The following MITF variants were observed in gnomAD, a reference collection of about 807,000 sequenced individuals.
MITF encodes the protein microphthalmia-associated transcription factor.
MITF carries 17 observed loss-of-function variants against 60.5 expected under a neutral mutation model. That is an observed-to-expected ratio of 0.28 (90% CI 0.19 to 0.42). MITF has a LOEUF of 0.42. Ranked by LOEUF, MITF falls within the 10% of genes least tolerant of loss-of-function variation. The pLI is 1.00. For missense variants in MITF, 622 were observed against 683.5 expected (o/e 0.91, Z 1.00); for synonymous variants, 260 against 248.5 (o/e 1.05, Z -0.43).
chr3:69,836,600 A>T (rs2063544930), intron 1 of MITF, among the ~76,000 whole-genome samples: 1 of 152,180 alleles, frequency 6.6e-6, no homozygotes, highest in African/African-American at 2.4e-5. Context: ...AGTGGATCTT[A>T]TTATTTTATA....
chr3:69,860,626 A>G (rs1037223901), intron 1 of MITF, among the ~76,000 whole-genome samples: 10 of 148,780 alleles, frequency 6.7e-5, no homozygotes, highest in Admixed American at 1.3e-4. Flanking sequence ...AAAAAAATTC[A>G]CTTTAGACAG....
chr3:69,813,705 A>G (rs1037322356), intron 1 of MITF, among the ~76,000 whole-genome samples: 1 of 152,236 alleles, frequency 6.6e-6, no homozygotes, highest in African/African-American at 2.4e-5. Flanking sequence ...CTTTTTAACA[A>G]CTGACAAATT....
At chr3:69,889,583 T>G (rs2064711779) in intron 2 of MITF, among the ~76,000 whole-genome samples, 1 of 151,964 alleles carries the variant, frequency 6.6e-6, no homozygotes, top group African/African-American at 2.4e-5. Context: ...GTATAAAAAT[T>G]ATTAACAAGA....
At chr3:69,759,477 A>C (rs903811400) in intron 1 of MITF, among the ~76,000 whole-genome samples, 2 of 152,220 alleles carry the variant, frequency 1.3e-5, no homozygotes, top group Non-Finnish European at 2.9e-5. Context: ...GGTAACGTGC[A>C]TGTTGGGGGA....
At chr3:69,962,735 C>A (rs1576064286) in intron 9 of MITF, among the ~76,000 whole-genome samples, 1 of 152,134 alleles carries the variant, frequency 6.6e-6, no homozygotes. Flanking sequence ...CCCAGGGATA[C>A]ACTCAGAAAG....
chr3:69,887,115 G>A (rs1365967404), intron 2 of MITF, among the ~76,000 whole-genome samples: 1 of 151,884 alleles, frequency 6.6e-6, no homozygotes, highest in Admixed American at 6.6e-5. Flanking sequence ...TTCATTTCTG[G>A]TGGTTTTTCT....
intron 1 of MITF, among the ~76,000 whole-genome samples, chr3:69,839,379 TC>T (rs1373764559): frequency 2.2e-5 from 3 of 134,612 alleles, no homozygotes; most frequent in Admixed American, 7.2e-5. Context: ...CATGTGATTT[TC>T]TTTTTTTTTT....
intron 1 of MITF, among the ~76,000 whole-genome samples, chr3:69,756,308 G>A (rs1407338859): frequency 6.6e-6 from 1 of 151,936 alleles, no homozygotes; most frequent in African/African-American, 2.4e-5. Context: ...GACAGGCCCT[G>A]GTGTGTGATG....
chr3:69,817,169 G>T (rs1203417749), intron 1 of MITF, among the ~76,000 whole-genome samples: 7 of 152,002 alleles, frequency 4.6e-5, no homozygotes, highest in Non-Finnish European at 1.0e-4. Flanking sequence ...TTAATGTTTT[G>T]CTTTTTAAGC....
At chr3:69,833,343 A>G (rs2063482998) in intron 1 of MITF, among the ~76,000 whole-genome samples, 1 of 151,646 alleles carries the variant, frequency 6.6e-6, no homozygotes, top group Non-Finnish European at 1.5e-5. Flanking sequence ...CCCTGTTCAC[A>G]CTGTATGTAG....
At chr3:69,833,725 G>A (rs77556591) in intron 1 of MITF, among the ~76,000 whole-genome samples, 1 of 148,442 alleles carries the variant, frequency 6.7e-6, no homozygotes, top group African/African-American at 2.6e-5. Flanking sequence ...TACACTGTAT[G>A]TGCTTTTTTC....
chr3:69,793,341 T>C (rs2062772930), intron 1 of MITF, among the ~76,000 whole-genome samples: 1 of 152,202 alleles, frequency 6.6e-6, no homozygotes, highest in African/African-American at 2.4e-5. Flanking sequence ...CTGATTTACC[T>C]CTTTGAATTT....
At chr3:69,755,630 A>G (rs539173793) in intron 1 of MITF, among the ~76,000 whole-genome samples, 20 of 149,192 alleles carry the variant, frequency 1.3e-4, no homozygotes, top group Admixed American at 5.3e-4. Context: ...CATAAAGGGG[A>G]AAAAAAAAGC....
intron 2 of MITF, among the ~76,000 whole-genome samples, chr3:69,913,729 CA>C (rs1286681678): frequency 6.6e-6 from 1 of 152,076 alleles, no homozygotes; most frequent in Non-Finnish European, 1.5e-5. Flanking sequence ...TAAACTAGGC[CA>C]GTGATTTTAC....
intron 1 of MITF, among the ~76,000 whole-genome samples, chr3:69,818,208 G>C (rs939323682): frequency 2.0e-5 from 3 of 152,156 alleles, no homozygotes; most frequent in Non-Finnish European, 2.9e-5. Context: ...CAAAGTTCAT[G>C]CAACTTAAGG....
At chr3:69,887,521 C>A (rs2064649624) in intron 2 of MITF, among the ~76,000 whole-genome samples, 1 of 151,908 alleles carries the variant, frequency 6.6e-6, no homozygotes, top group Non-Finnish European at 1.5e-5. Context: ...AGATAATATA[C>A]CAGTTATTCA....
At chr3:69,741,910 A>G (rs1480273489) in intron 1 of MITF, among the ~76,000 whole-genome samples, 1 of 152,162 alleles carries the variant, frequency 6.6e-6, no homozygotes, top group Admixed American at 6.5e-5. Flanking sequence ...GGGGCACCTC[A>G]CTTCTTACAA....
chr3:69,818,879 A>G (rs755153444), intron 1 of MITF, among the ~76,000 whole-genome samples: 3 of 152,216 alleles, frequency 2.0e-5, no homozygotes, highest in Non-Finnish European at 4.4e-5. Flanking sequence ...ATGGGCATTA[A>G]CAGGTTAATT....
chr3:69,964,856 A>G lies in MITF; in HGVS notation c.1189A>G (p.Met397Val). The change falls in exon 10 of 10, where the codon ATG becomes GTG. Residue 397 changes from methionine (M) to valine (V), a missense_variant. By Grantham distance (21) the Met-to-Val change is conservative. Transcript: ENST00000352241. The part of the protein sequence containing the change: ...HLLLRIQELE[M>V]QARAHGLSLI... ...TTTACTCTTATTATAGGAACTTGAA[A>G]TGCAGGCTCGAGCTCATGGACTTTC... is the stretch of plus-strand genomic sequence containing the variant. 6.2e-7 allele frequency: 1 copy of G among 1,614,126 alleles called. No individual in the cohort carries two copies. The highest frequency in any genetic ancestry group is 8.5e-7 in the Non-Finnish European group (1 of 1,180,002).
Sources: allele counts gnomAD v4.1 joint callset (sites outside exome capture counted in the v4.1 genomes callset), GRCh38; gene constraint gnomAD v4.1.1; transcripts MANE v1.5; gene names NCBI Gene and HGNC (gene_info 2026-07-23, HGNC 2026-07-21).